The following ARFGAP3 variants were observed in gnomAD, a reference collection of about 807,000 sequenced individuals.
ARFGAP3 encodes ADP-ribosylation factor GTPase-activating protein 3.
ARFGAP3 carries 72 observed loss-of-function variants against 75.0 expected under a neutral mutation model. That is an observed-to-expected ratio of 0.96 (90% confidence interval 0.79 to 1.17). ARFGAP3 has a LOEUF of 1.17. ARFGAP3 is among the 50% of genes most tolerant of loss of function. The pLI is 0.00. For synonymous variants in ARFGAP3, 221 were observed against 217.9 expected, an observed-to-expected ratio of 1.01 and a Z score of -0.13; for missense variants, 620 against 626.6, an observed-to-expected ratio of 0.99 and a Z score of 0.11.
At chr22:42,798,686 A>T (rs1463983548) in intron 15 of ARFGAP3, among the ~76,000 whole-genome samples, 1 of 152,264 alleles carries the variant, frequency 6.6e-6, no homozygotes, top group Non-Finnish European at 1.5e-5. Flanking sequence ...AAATATCCTT[A>T]GAAATCTAGA....
At chr22:42,845,443 T>C (rs1451060770) in intron 2 of ARFGAP3, among the ~76,000 whole-genome samples, 1 of 151,020 alleles carries the variant, frequency 6.6e-6, no homozygotes, top group Non-Finnish European at 1.5e-5. Context: ...GGAGAATCAT[T>C]TGAATCTGGG....
chr22:42,847,747 G>T, intron 1 of ARFGAP3, 115 bp from the exon 2 acceptor site: 1 of 1,267,278 alleles, frequency 7.9e-7, no homozygotes, highest in Non-Finnish European at 1.0e-6. Flanking sequence ...TGTAAACTTT[G>T]GGATTGTATT....
intron 12 of ARFGAP3, among the ~76,000 whole-genome samples, chr22:42,810,430 C>G (rs1250477566): frequency 1.3e-5 from 2 of 152,176 alleles, no homozygotes; most frequent in Non-Finnish European, 2.9e-5. Flanking sequence ...CACCACTGCA[C>G]TCCAGCCTGG....
At chr22:42,822,645 C>T (rs181975322) in intron 8 of ARFGAP3, 169 of 155,312 alleles carry the variant, frequency 1.1e-3, no homozygotes, top group Non-Finnish European at 2.0e-3. Context: ...AAGTCCCTTA[C>T]GTAAAAGGGC....
intron 3 of ARFGAP3, among the ~76,000 whole-genome samples, chr22:42,838,968 G>A (rs1003247493): frequency 6.6e-6 from 1 of 151,780 alleles, no homozygotes; most frequent in South Asian, 2.1e-4. Flanking sequence ...AAATTAGCTG[G>A]GTGTGGTGGC....
chr22:42,833,419 T>C (rs892329138), intron 5 of ARFGAP3, among the ~76,000 whole-genome samples: 4 of 152,110 alleles, frequency 2.6e-5, no homozygotes, highest in South Asian at 4.1e-4. Context: ...AGGACATAAG[T>C]AGAAGGGATG....
At chr22:42,823,508 A>T (rs1925901973) in intron 8 of ARFGAP3, 148 bp downstream of exon 8, 1 of 545,950 alleles carries the variant, frequency 1.8e-6, no homozygotes, top group Admixed American at 4.1e-5. Context: ...CTTTGACATT[A>T]ATCTCTTTGA....
chr22:42,837,675 CTTTTTT>C (rs71186547), intron 3 of ARFGAP3, among the ~76,000 whole-genome samples: 1 of 75,662 alleles, frequency 1.3e-5, no homozygotes, highest in Non-Finnish European at 2.1e-5. Context: ...AGGCATACTT[CTTTTTT>C]TTTTTTTTTT....
intron 1 of ARFGAP3, among the ~76,000 whole-genome samples, chr22:42,856,661 G>A (rs921019821): frequency 1.3e-5 from 2 of 152,336 alleles, no homozygotes; most frequent in Admixed American, 1.3e-4. Flanking sequence ...AAGGCCCGAG[G>A]AGCCAAGCCG....
At chr22:42,829,638 T>C (rs1489086240) in intron 6 of ARFGAP3, among the ~76,000 whole-genome samples, 1 of 152,244 alleles carries the variant, frequency 6.6e-6, no homozygotes, top group Non-Finnish European at 1.5e-5. Flanking sequence ...TTTGTCTACA[T>C]ATGAATTGCA....
intron 6 of ARFGAP3, among the ~76,000 whole-genome samples, chr22:42,828,613 T>C (rs983392321): frequency 5.9e-5 from 9 of 151,794 alleles, no homozygotes; most frequent in African/African-American, 2.2e-4. Flanking sequence ...TAAAACAAAC[T>C]GTGACATCCG....
At position 42,799,041 on chromosome 22, in the gene ARFGAP3, G is replaced by C. The variant is rs1039255408; in HGVS notation, c.1531C>G (p.Gln511Glu). ...GAGCACTGCCCCATTCCACTGACCT[G>C]AATTGAAGTCACGACTCCATTAGCA... ...VFANGVVTSI[Q>E]DRYGS is the part of the protein sequence containing the mutation. The change falls in exon 15 of 16, where the codon CAG (glutamine) becomes GAG (glutamate). Residue 511 changes from glutamine to glutamate, a missense_variant and splice_region_variant. Physicochemically the swap from Gln to Glu is conservative, Grantham distance 29. Coordinates refer to ENST00000263245, the MANE Select transcript of ARFGAP3 (RefSeq NM_014570.5). 5 of 1,613,926 alleles carry C rather than the reference G, an allele frequency of 3.1e-6. No homozygotes were observed. The African/African-American group carries it at 6.7e-5, about 22-fold the overall frequency.
chr22:42,802,604 T>G (rs567005672), intron 14 of ARFGAP3, among the ~76,000 whole-genome samples: 1 of 130,172 alleles, frequency 7.7e-6, no homozygotes, highest in African/African-American at 3.2e-5. Context: ...AAAATAAGAA[T>G]TTTTTTTTTT....
intron 13 of ARFGAP3, among the ~76,000 whole-genome samples, chr22:42,807,826 C>T (rs1925194659): frequency 1.3e-5 from 2 of 149,340 alleles, no homozygotes; most frequent in African/African-American, 2.5e-5. Context: ...GAGACAGAGT[C>T]TCACTCTGCT....
chr22:42,834,237 C>CAT lies in ARFGAP3; in HGVS notation c.477+3_477+4dup, dbSNP rs759397941. 2 of 1,613,182 alleles carry CAT rather than the reference C, an allele frequency of 1.2e-6. No homozygotes were observed. Among genetic ancestry groups the CAT allele is most frequent in the East Asian group, 4.5e-5 (2 of 44,858 alleles). ...CTTTAAAATGATGTGAAGCATAATACATACCTCAGGAGAAACGTGAGAGGC... is the reference window on the plus strand; with the variant it reads ...CTTTAAAATGATGTGAAGCATAATACATATACCTCAGGAGAAACGTGAGAGGC... On this transcript the variant is annotated splice_donor_region_variant and intron_variant, in intron 5 of 15. Transcript: ENST00000263245.
chr22:42,810,756 T>G, intron 12 of ARFGAP3, 57 bp downstream of exon 12: 7 of 1,504,898 alleles, frequency 4.7e-6, no homozygotes, highest in Non-Finnish European at 6.4e-6. Context: ...TTATCAGCAA[T>G]TTTTTCCCAG....
intron 8 of ARFGAP3, chr22:42,822,630 T>A (rs771667127): frequency 6.1e-6 from 1 of 164,392 alleles, no homozygotes; most frequent in African/African-American, 2.4e-5. Context: ...AAATCTGCGA[T>A]GATCAAGTCC....
rs1215611072 is a variant in ARFGAP3, at chr22:42,857,242, G to A, written c.-60C>T. 2.7e-6 allele frequency: 4 copies of A among 1,487,462 alleles called. No homozygotes were observed. Among genetic ancestry groups the A allele is most frequent in the South Asian group, 2.5e-5 (2 of 78,988 alleles). 92.1% of individuals were successfully genotyped at this position (1,487,462 alleles called of 1,614,324 possible). On this transcript the variant is annotated 5_prime_UTR_variant, in exon 1 of 16. Transcript: ENST00000263245. ...CAACCGGTAAGAGTCGACGAAAAGCGGCTACCGCCTCAGCAGGAGCGACGA... is the reference window on the plus strand; with the variant it reads ...CAACCGGTAAGAGTCGACGAAAAGCAGCTACCGCCTCAGCAGGAGCGACGA...
chr22:42,838,615 G>A (rs547791377), intron 3 of ARFGAP3, among the ~76,000 whole-genome samples: 6 of 151,720 alleles, frequency 4.0e-5, no homozygotes, highest in African/African-American at 1.4e-4. Flanking sequence ...TATTTGAAAT[G>A]CATACAAATT....
Sources: gnomAD v4.1 joint callset for allele counts (sites outside exome capture counted in the v4.1 genomes callset) on GRCh38, gnomAD v4.1.1 for gene constraint, MANE v1.5 for transcripts, NCBI Gene and HGNC (gene_info 2026-07-23, HGNC 2026-07-21) for gene names.